SLC1A7: variants seen among roughly 807,000 people sequenced by gnomAD.
SLC1A7 encodes the protein solute carrier family 1 member 7.
In SLC1A7, 40 loss-of-function variants were observed where a neutral mutation model predicts 47.7. The observed-to-expected ratio is 0.84, with a 90% confidence interval of 0.65 to 1.09. The LOEUF (loss-of-function observed/expected upper bound fraction) is 1.09. Ranked by LOEUF, SLC1A7 falls within the 50% of genes least tolerant of loss-of-function variation. SLC1A7 has a pLI of 0.00. For missense variants in SLC1A7, 746 were observed against 769.5 expected, an observed-to-expected ratio of 0.97 and a Z score of 0.36; for synonymous variants, 323 against 325.6, an observed-to-expected ratio of 0.99 and a Z score of 0.09.
chr1:53,130,320 C>T (rs1644929722), intron 2 of SLC1A7, among the ~76,000 whole-genome samples: 2 of 152,142 alleles, frequency 1.3e-5, no homozygotes, highest in African/African-American at 4.8e-5. Context: ...TTGTGGCATG[C>T]TGTGGGACTA....
At chr1:53,131,974 GGAA>G (rs764782906) in intron 2 of SLC1A7, among the ~76,000 whole-genome samples, 3 of 152,186 alleles carry the variant, frequency 2.0e-5, no homozygotes, top group East Asian at 1.9e-4. Flanking sequence ...GAAAAAAAGA[GGAA>G]GAAGAAGAGA....
At chr1:53,134,882 A>G (rs1310559771) in intron 1 of SLC1A7, among the ~76,000 whole-genome samples, 1 of 152,190 alleles carries the variant, frequency 6.6e-6, no homozygotes, top group Admixed American at 6.5e-5. Flanking sequence ...CTAATAATCA[A>G]ATGGAGCGAT....
chr1:53,125,851 C>G (rs1224460230), intron 2 of SLC1A7, among the ~76,000 whole-genome samples: 1 of 152,174 alleles, frequency 6.6e-6, no homozygotes, highest in African/African-American at 2.4e-5. Flanking sequence ...TCTGTTTACA[C>G]CAGAAGCTTC....
intron 2 of SLC1A7, among the ~76,000 whole-genome samples, chr1:53,124,944 G>T (rs533470756): frequency 2.0e-5 from 3 of 152,318 alleles, no homozygotes; most frequent in Admixed American, 6.5e-5. Flanking sequence ...AAGCAAGCAG[G>T]CTACAGATTT....
intron 5 of SLC1A7, among the ~76,000 whole-genome samples, chr1:53,100,587 C>T: frequency 6.7e-6 from 1 of 150,116 alleles, no homozygotes; most frequent in African/African-American, 2.5e-5. Flanking sequence ...CATACCACCT[C>T]AGTACACTCA....
intron 3 of SLC1A7, among the ~76,000 whole-genome samples, chr1:53,114,126 G>A (rs560260032): frequency 1.3e-5 from 2 of 152,290 alleles, no homozygotes; most frequent in South Asian, 2.1e-4. Flanking sequence ...GTGAGGGAGC[G>A]AATGCACGAA....
At chr1:53,123,751 T>C (rs931991464) in intron 2 of SLC1A7, among the ~76,000 whole-genome samples, 5 of 152,190 alleles carry the variant, frequency 3.3e-5, no homozygotes, top group African/African-American at 1.2e-4. Context: ...TGGGAGCTTT[T>C]CGGAGTCACC....
At chr1:53,132,030 CG>C (rs1430520133) in intron 2 of SLC1A7, among the ~76,000 whole-genome samples, 4 of 152,048 alleles carry the variant, frequency 2.6e-5, no homozygotes, top group African/African-American at 4.8e-5. Context: ...AGGAACAGCA[CG>C]TGTGGAGGCC....
intron 3 of SLC1A7, among the ~76,000 whole-genome samples, chr1:53,113,647 C>T (rs1160634458): frequency 1.3e-5 from 2 of 152,106 alleles, no homozygotes; most frequent in African/African-American, 4.8e-5. Flanking sequence ...CCTCCTACCT[C>T]CCCTGCAACT....
chr1:53,105,887 G>T, intron 3 of SLC1A7, 113 bp from the exon 4 acceptor site: 1 of 813,140 alleles, frequency 1.2e-6, no homozygotes, highest in Non-Finnish European at 2.1e-6. Flanking sequence ...CCTTCCTCAG[G>T]CCAGCCTCCT....
chr1:53,114,370 C>T (rs1204487021), intron 3 of SLC1A7, among the ~76,000 whole-genome samples: 2 of 152,166 alleles, frequency 1.3e-5, no homozygotes, highest in Non-Finnish European at 2.9e-5. Flanking sequence ...CCACTACCTA[C>T]CTACCGGTGA....
intron 3 of SLC1A7, among the ~76,000 whole-genome samples, chr1:53,114,138 G>A (rs1275041570): frequency 1.3e-5 from 2 of 152,174 alleles, no homozygotes; most frequent in Admixed American, 6.5e-5. Flanking sequence ...ATGCACGAAG[G>A]ACAGGAGCAG....
chr1:53,110,835 C>G (rs958733480), intron 3 of SLC1A7, among the ~76,000 whole-genome samples: 10 of 152,112 alleles, frequency 6.6e-5, no homozygotes, highest in Middle Eastern at 3.2e-3. Context: ...GGCCGTGAGC[C>G]AAGGCCCGTC....
chr1:53,124,854 C>T (rs542139609), intron 2 of SLC1A7, among the ~76,000 whole-genome samples: 3 of 152,294 alleles, frequency 2.0e-5, no homozygotes, highest in East Asian at 1.9e-4. Context: ...CTGTGCCTCC[C>T]GAGTGGGTGA....
At chr1:53,092,530 C>T (rs764393310) in intron 7 of SLC1A7, 24 bp downstream of exon 7, 11 of 1,556,170 alleles carry the variant, frequency 7.1e-6, no homozygotes, top group African/African-American at 1.4e-5. Flanking sequence ...AGCTCCCCAC[C>T]GTCCTGCCCG....
chr1:53,087,427 C>T lies in SLC1A7; in HGVS notation c.*582G>A, dbSNP rs937188803. 1 of 152,274 alleles carries T rather than the reference C, an allele frequency of 6.6e-6. No individual in the cohort carries two copies. Among genetic ancestry groups the T allele is most frequent in the South Asian group, 2.1e-4 (1 of 4,836 alleles). The allele number at this position is 152,274 out of a possible 1,614,324, so 9.4% of individuals were successfully genotyped here. ...TCAGCTCTAGTAAAGACATCTGTCT[C>T]CACATCCAAGGAGCTTTGCAAAAGA... On this transcript the variant is annotated 3_prime_UTR_variant, in exon 11 of 11. Coordinates refer to ENST00000371494, the MANE Select transcript of SLC1A7 (RefSeq NM_006671.6).
At chr1:53,105,841 C>T in intron 3 of SLC1A7, 67 bp from the exon 4 acceptor site, 2 of 1,351,122 alleles carry the variant, frequency 1.5e-6, no homozygotes, top group Non-Finnish European at 2.1e-6. Flanking sequence ...GGGTTGTGGC[C>T]TTGGGGTCAT....
rs58190602 is a variant in SLC1A7, at chr1:53,136,560, TATATATAAACATATATA to T, written c.136-2148_136-2132del. Among the ~76,000 whole-genome samples, 14 of 80,508 alleles carry T rather than the reference TATATATAAACATATATA, an allele frequency of 1.7e-4. 1 individual carries two copies. Among genetic ancestry groups the T allele is most frequent in the South Asian group, 3.3e-4 (1 of 3,066 alleles). 52.8% of individuals were successfully genotyped at this position (80,508 alleles called of 152,430 possible). A position where few individuals can be genotyped will look rare whatever the true frequency, so the allele number is the denominator to read the frequency against. On this transcript the variant is annotated intron_variant, in intron 1 of 10. Transcript: ENST00000371494. ...AACATATATATAATATATATAAACA[TATATATAAACATATATA>T]ATATATAAACATATATAATATATAA... is the stretch of plus-strand genomic sequence containing the variant.
intron 5 of SLC1A7, among the ~76,000 whole-genome samples, chr1:53,095,901 C>G (rs1644482614): frequency 6.7e-6 from 1 of 148,342 alleles, no homozygotes; most frequent in African/African-American, 2.5e-5. Context: ...CCTCGGTACA[C>G]TCACACAACC....
Sources: gnomAD v4.1 joint callset for allele counts (sites outside exome capture counted in the v4.1 genomes callset) on GRCh38, gnomAD v4.1.1 for gene constraint, MANE v1.5 for transcripts, NCBI Gene and HGNC (gene_info 2026-07-23, HGNC 2026-07-21) for gene names.